Variants in SDC3 observed in about 807,000 individuals in gnomAD.
SDC3 encodes syndecan 3.
Under a neutral mutation model 24.4 loss-of-function variants are expected in SDC3, and 13 were observed. The observed-to-expected ratio is 0.53, with a 90% CI of 0.35 to 0.85. The LOEUF is 0.85. SDC3 is among the 40% of genes least tolerant of loss of function. The probability of loss-of-function intolerance (pLI) is 0.01; values close to 1 mark genes in which losing one functional copy is unlikely to be tolerated. For missense variants in SDC3, 571 were observed against 584.5 expected (o/e 0.98, Z 0.24); for synonymous variants, 295 against 260.9 (o/e 1.13, Z -1.26).
Position 30,874,627 on chromosome 1 carries a change from T to C in SDC3, c.871-39A>G, listed in dbSNP as rs765619865. ...GGCATGAGCCCAGGACAACCACACA[T>C]GCATGCATAACCCCCCACCACCATC... On this transcript the variant is annotated intron_variant, in intron 3 of 4. Transcript: ENST00000339394. The C allele has an allele frequency of 5.0e-6, 8 of 1,588,716 alleles. No individual in the cohort carries two copies. In the South Asian group the frequency reaches 8.0e-5, roughly 16 times the overall value.
chr1:30,870,593 G>A lies in SDC3; in HGVS notation c.*2618C>T, dbSNP rs527299156. 6.6e-6 allele frequency: 1 copy of A among 152,500 alleles called. No homozygotes were observed. Among genetic ancestry groups the A allele is most frequent in the African/African-American group, 2.4e-5 (1 of 41,566 alleles). 9.4% of individuals were successfully genotyped at this position (152,500 alleles called of 1,614,324 possible). A position where few individuals can be genotyped will look rare whatever the true frequency, so the allele number is the denominator to read the frequency against. Reference sequence around the variant, plus strand: ...GGCTGGTCAGACTCCTCATCCTCAGGAGGATAAAGCCTGGACATCTGCCTT... The same window carrying A: ...GGCTGGTCAGACTCCTCATCCTCAGAAGGATAAAGCCTGGACATCTGCCTT... On this transcript the variant is annotated 3_prime_UTR_variant, in exon 5 of 5. Coordinates refer to ENST00000339394, the MANE Select transcript of SDC3 (RefSeq NM_014654.4).
chr1:30,905,128 G>T (rs72657262), intron 1 of SDC3, among the ~76,000 whole-genome samples: 66,845 of 151,622 alleles, frequency 0.44, 15,321 homozygotes, highest in East Asian at 0.53. Flanking sequence ...CAGCCCAGGG[G>T]CCCCCAACTT....
chr1:30,872,970 G>A lies in SDC3; in HGVS notation c.*241C>T, dbSNP rs186477099. 41 of 517,756 alleles carry A rather than the reference G, an allele frequency of 7.9e-5. No individual in the cohort carries two copies. The East Asian group carries it at 1.2e-3, about 15-fold the overall frequency. The allele number at this position is 517,756 out of a possible 1,614,324, so 32.1% of individuals were successfully genotyped here. On this transcript the variant is annotated 3_prime_UTR_variant, in exon 5 of 5. Transcript: ENST00000339394. ...TGAGGTCCTGAAGCCCCAGACTGGT[G>A]GCAGGGATGAGGGGAACAAGAGATG...
At chr1:30,880,172 G>A (rs180886882) in intron 1 of SDC3, among the ~76,000 whole-genome samples, 8 of 152,196 alleles carry the variant, frequency 5.3e-5, no homozygotes, top group African/African-American at 7.2e-5. Context: ...AGTAGCCATC[G>A]ACATGACAAC....
chr1:30,898,360 T>TA (rs1456307326), intron 1 of SDC3, among the ~76,000 whole-genome samples: 3 of 152,150 alleles, frequency 2.0e-5, no homozygotes, highest in African/African-American at 7.2e-5. Context: ...CTTCAGGGTC[T>TA]AAATCAACCT....
At position 30,908,661 on chromosome 1, in the gene SDC3, G is replaced by T; in HGVS notation, c.-75C>A. 2 of 545,200 alleles carry T rather than the reference G, an allele frequency of 3.7e-6. No homozygotes were observed. Among genetic ancestry groups the T allele is most frequent in the Non-Finnish European group, 4.6e-6 (2 of 430,796 alleles). The allele number at this position is 545,200 out of a possible 1,614,324, so 33.8% of individuals were successfully genotyped here. A position where few individuals can be genotyped will look rare whatever the true frequency, so the allele number is the denominator to read the frequency against. On this transcript the variant is annotated 5_prime_UTR_variant, in exon 1 of 5. Transcript: ENST00000339394. ...CCGAGGCGCGGCGCGCGGGGCGGCT[G>T]CTTGGCGGCGGCGCGGCCCGGCGGC...
chr1:30,902,521 G>A (rs954691746), intron 1 of SDC3, among the ~76,000 whole-genome samples: 4 of 152,214 alleles, frequency 2.6e-5, no homozygotes, highest in Non-Finnish European at 5.9e-5. Flanking sequence ...GTGATGTTAT[G>A]GAGGACAGAG....
chr1:30,902,071 G>A (rs945983921), intron 1 of SDC3, among the ~76,000 whole-genome samples: 1 of 152,114 alleles, frequency 6.6e-6, no homozygotes, highest in Non-Finnish European at 1.5e-5. Context: ...CTCAGGCTTG[G>A]GACACCCCAA....
chr1:30,889,259 A>G (rs541380627), intron 1 of SDC3, among the ~76,000 whole-genome samples: 2 of 152,348 alleles, frequency 1.3e-5, no homozygotes, highest in East Asian at 3.9e-4. Flanking sequence ...CTCTCAGCCC[A>G]CAGTCTGACT....
chr1:30,872,147 A>ATTTAC lies in SDC3; in HGVS notation c.*1063_*1064insGTAAA, dbSNP rs915099859. ...TGGGCACCATGGCATGGGACTGAGT[A>ATTTAC]TGACGGGGCAACTTAGGGGGACCCA... On this transcript the variant is annotated 3_prime_UTR_variant, in exon 5 of 5. Coordinates refer to ENST00000339394, the MANE Select transcript of SDC3 (RefSeq NM_014654.4). 5.2e-5 allele frequency: 8 copies of ATTTAC among 152,456 alleles called. No individual in the cohort carries two copies. The highest frequency in any genetic ancestry group is 1.9e-4 in the African/African-American group (8 of 41,580). 9.4% of individuals were successfully genotyped at this position (152,456 alleles called of 1,614,324 possible).
intron 1 of SDC3, among the ~76,000 whole-genome samples, chr1:30,904,483 TG>T (rs1638476223): frequency 6.6e-6 from 1 of 152,066 alleles, no homozygotes; most frequent in African/African-American, 2.4e-5. Context: ...CCATTTTTTT[TG>T]TTTTTTGTTT....
chr1:30,877,460 A>G lies in SDC3; in HGVS notation c.257-295T>C, dbSNP rs184450709. The G allele has an allele frequency of 8.6e-4, 501 of 579,338 alleles. 3 individuals carry two copies. Among genetic ancestry groups the G allele is most frequent in the Admixed American group, 2.3e-3 (77 of 33,504 alleles). 35.9% of individuals were successfully genotyped at this position (579,338 alleles called of 1,614,324 possible). A position where few individuals can be genotyped will look rare whatever the true frequency, so the allele number is the denominator to read the frequency against. ...CTACAGTTTCTATGAGGTTGAATCC[A>G]GGCAGCAGCAACTGAGGCGCTACTG... On this transcript the variant is annotated intron_variant, in intron 2 of 4. Transcript: ENST00000339394.
intron 3 of SDC3, among the ~76,000 whole-genome samples, chr1:30,875,647 C>T (rs1227425865): frequency 6.6e-6 from 1 of 152,208 alleles, no homozygotes; most frequent in Non-Finnish European, 1.5e-5. Context: ...ATTCATCCAT[C>T]CCTGGCACTC....
intron 1 of SDC3, among the ~76,000 whole-genome samples, chr1:30,895,840 G>T (rs888857735): frequency 1.4e-5 from 2 of 141,842 alleles, no homozygotes; most frequent in Admixed American, 1.4e-4. Flanking sequence ...GGGGGAGGAA[G>T]CGAGTAAGAG....
intron 4 of SDC3, 29 bp from the exon 5 acceptor site, chr1:30,873,406 C>T (rs1032039743): frequency 6.2e-7 from 1 of 1,601,264 alleles, no homozygotes; most frequent in Non-Finnish European, 8.5e-7. Flanking sequence ...CAGGTCAAGG[C>T]CCAGAGGCAG....
chr1:30,887,551 C>A (rs540257613), intron 1 of SDC3, among the ~76,000 whole-genome samples: 1 of 152,040 alleles, frequency 6.6e-6, no homozygotes, highest in Non-Finnish European at 1.5e-5. Flanking sequence ...ACCCAAACGA[C>A]GTCCCCACGT....
At chr1:30,903,966 G>A (rs1638464613) in intron 1 of SDC3, among the ~76,000 whole-genome samples, 1 of 152,140 alleles carries the variant, frequency 6.6e-6, no homozygotes, top group South Asian at 2.1e-4. Context: ...GCTCACAACT[G>A]TAATCCCAGC....
chr1:30,905,109 G>T (rs1424263592), intron 1 of SDC3, among the ~76,000 whole-genome samples: 1 of 152,060 alleles, frequency 6.6e-6, no homozygotes, highest in Non-Finnish European at 1.5e-5. Context: ...CCAAGAGCCT[G>T]GCCCAGAACA....
intron 1 of SDC3, among the ~76,000 whole-genome samples, chr1:30,879,508 T>C (rs1639705872): frequency 1.3e-5 from 2 of 151,924 alleles, no homozygotes; most frequent in Admixed American, 6.6e-5. Context: ...GAAAGAAAAA[T>C]ACCCACGGTG....
Sources: allele counts gnomAD v4.1 joint callset (sites outside exome capture counted in the v4.1 genomes callset), GRCh38; gene constraint gnomAD v4.1.1; transcripts MANE v1.5; gene names NCBI Gene and HGNC (gene_info 2026-07-23, HGNC 2026-07-21).